Variants in RHPN1 observed in about 807,000 individuals in gnomAD.
RHPN1 encodes the protein rhophilin Rho GTPase binding protein 1, also known as rhophilin-1.
RHPN1 carries 77 observed loss-of-function variants against 74.7 expected under a neutral mutation model. The observed-to-expected ratio is 1.03, with a 90% CI of 0.86 to 1.25. RHPN1 has a LOEUF of 1.25. RHPN1 is among the 50% of genes most tolerant of loss of function. The probability of loss-of-function intolerance (pLI) is 0.00; values close to 1 mark genes in which losing one functional copy is unlikely to be tolerated. For synonymous variants in RHPN1, 444 were observed against 414.5 expected, an observed-to-expected ratio of 1.07 and a Z score of -0.87; for missense variants, 987 against 932.2, an observed-to-expected ratio of 1.06 and a Z score of -0.77.
At position 143,382,822 on chromosome 8, in the gene RHPN1, A is replaced by T; in HGVS notation, c.*171A>T. The T allele has an allele frequency of 1.6e-6, 1 of 612,112 alleles. No homozygotes were observed. Among genetic ancestry groups the T allele is most frequent in the South Asian group, 2.0e-5 (1 of 50,302 alleles). The allele number at this position is 612,112 out of a possible 1,614,324, so 37.9% of individuals were successfully genotyped here. ...TGGTCAGACCTGTCTGAGCCCAGTG[A>T]TGGGAGCTGTGGCCTCTTCACCCAC... On this transcript the variant is annotated 3_prime_UTR_variant, in exon 15 of 15. Transcript: ENST00000289013.
chr8:143,381,312 C>G lies in RHPN1; in HGVS notation c.1456C>G (p.Gln486Glu). 1.2e-6 allele frequency: 2 copies of G among 1,612,840 alleles called. No homozygotes were observed. The highest frequency in any genetic ancestry group is 1.7e-6 in the Non-Finnish European group (2 of 1,179,636). The change falls in exon 12 of 15, where the codon CAG becomes GAG. Residue 486 changes from glutamine to glutamate, a missense_variant. Coordinates refer to ENST00000289013, the MANE Select transcript of RHPN1 (RefSeq NM_052924.3). Reference sequence around the variant, plus strand: ...AGAGGCCAGGATGCCACGCCTGTCCCAGGGGAAGGGGCCTGACATCTTCCA... The same window carrying G: ...AGAGGCCAGGATGCCACGCCTGTCCGAGGGGAAGGGGCCTGACATCTTCCA... Reference protein sequence around the residue: ...KPEARMPRLSQGKGPDIFHRL... With the variant: ...KPEARMPRLSEGKGPDIFHRL...
Position 143,377,055 on chromosome 8 carries a change from T to TGC in RHPN1, c.306-324_306-323insCG, listed in dbSNP as rs1337171104. On this transcript the variant is annotated intron_variant, in intron 3 of 14. Transcript: ENST00000289013. ...ATGCACGTGTGTCTGTGTGTGTCTG[T>TGC]GTGTGCGCGTGTGTGTGTCTGCACG... Among the ~76,000 whole-genome samples the TGC allele has an allele frequency of 2.8e-4, 7 of 24,868 alleles. No homozygotes were observed. In the Admixed American group the frequency reaches 4.4e-3, roughly 16 times the overall value. 16.3% of individuals were successfully genotyped at this position (24,868 alleles called of 152,430 possible).
chr8:143,380,827 G>T lies in RHPN1; in HGVS notation c.1411+44G>T, dbSNP rs1390967918. 1.4e-5 allele frequency: 21 copies of T among 1,448,572 alleles called. No individual in the cohort carries two copies. The South Asian group carries it at 2.9e-4, about 20-fold the overall frequency. 89.7% of individuals were successfully genotyped at this position (1,448,572 alleles called of 1,614,324 possible). On this transcript the variant is annotated intron_variant, in intron 11 of 14. Coordinates refer to ENST00000289013, the MANE Select transcript of RHPN1 (RefSeq NM_052924.3). ...TCTGGGTGGCTGCATCCCTGGCCAGGGTGGGGGCCTTCGTCCTGGAGAAAG... is the reference window on the plus strand; with the variant it reads ...TCTGGGTGGCTGCATCCCTGGCCAGTGTGGGGGCCTTCGTCCTGGAGAAAG...
intron 2 of RHPN1, among the ~76,000 whole-genome samples, 188 bp downstream of exon 2, chr8:143,375,856 CCT>C (rs1234310607): frequency 6.6e-6 from 1 of 152,242 alleles, no homozygotes; most frequent in African/African-American, 2.4e-5. Flanking sequence ...CCTCCGTGGG[CCT>C]CTGTGCTGGG....
At chr8:143,379,649 G>A (rs765267349) in intron 8 of RHPN1, 141 bp downstream of exon 8, 45 of 1,444,058 alleles carry the variant, frequency 3.1e-5, no homozygotes, top group South Asian at 2.5e-4. Flanking sequence ...CCCTGGGGGG[G>A]CTGGTCAGGA....
chr8:143,370,276 C>G lies in RHPN1; in HGVS notation c.60+1229C>G, dbSNP rs540950858. 5.3e-5 allele frequency among the ~76,000 whole-genome samples: 8 copies of G among 152,186 alleles called. No individual in the cohort carries two copies. In the South Asian group the frequency reaches 1.7e-3, roughly 31 times the overall value. On this transcript the variant is annotated intron_variant, in intron 1 of 14. Coordinates refer to ENST00000289013, the MANE Select transcript of RHPN1 (RefSeq NM_052924.3). ...TGGGGAGAAGCTGTTTCCAGGCTGC[C>G]GTGTCTCTCACAGCGTCCAGAAATG...
rs1182967835 is a variant in RHPN1 at position 143,379,863 on chromosome 8, T to G, written c.980T>G (p.Met327Arg). 6.2e-7 allele frequency: 1 copy of G among 1,610,836 alleles called. No homozygotes were observed. The highest frequency in any genetic ancestry group is 8.5e-7 in the Non-Finnish European group (1 of 1,179,218). ...GAGTACAGGCTAGTGCACCGGACCA[T>G]GGCCCAGCCACCCGTCCACGACTAC... ...AAEYRLVHRT[M>R]AQPPVHDYVP... Residue 327 changes from methionine (M) to arginine (R), a missense_variant, in exon 9 of 15, where the codon ATG becomes AGG. Physicochemically the swap from Met to Arg is moderately conservative, Grantham distance 91. Coordinates refer to ENST00000289013, the MANE Select transcript of RHPN1 (RefSeq NM_052924.3).
rs1818753910 is a variant in RHPN1 at position 143,381,817 on chromosome 8, T to C, written c.1646T>C (p.Leu549Pro). The C allele has an allele frequency of 6.2e-7, 1 of 1,612,556 alleles. No homozygotes were observed. The highest frequency in any genetic ancestry group is 1.3e-5 in the African/African-American group (1 of 74,940). The change falls in exon 14 of 15, where the codon CTG (leucine) becomes CCG (proline). Residue 549 changes from leucine to proline, a missense_variant. Leu to Pro is a moderately conservative substitution (Grantham distance 98). Coordinates refer to ENST00000289013, the MANE Select transcript of RHPN1 (RefSeq NM_052924.3). ...CAAGTCTCCCCACAGGCGGCTGGCC[T>C]GAAGGAGGGCGACTACATTGTGTCA... ...IPGSQAAAAG[L>P]KEGDYIVSVN...
Position 143,375,554 on chromosome 8 carries a change from G to A in RHPN1, c.62G>A (p.Gly21Asp). Reference protein sequence around the residue: ...GAGEESPRLQGCDSLTQIQCG... With the variant: ...GAGEESPRLQDCDSLTQIQCG... ...TGATCGCCTGTGGCCTCCCTGCAGG[G>A]CTGTGACTCCCTGACGCAGATCCAG... Residue 21 changes from glycine to aspartate, a missense_variant and splice_region_variant, in exon 2 of 15, where the codon GGC becomes GAC. By Grantham distance (94) the Gly-to-Asp change is moderately conservative. Transcript: ENST00000289013. 6.3e-7 allele frequency: 1 copy of A among 1,589,964 alleles called. No individual in the cohort carries two copies. The highest frequency in any genetic ancestry group is 1.4e-5 in the African/African-American group (1 of 73,656).
At chr8:143,378,440 C>T (rs1168099014) in intron 5 of RHPN1, 94 bp downstream of exon 5, 62 of 1,115,478 alleles carry the variant, frequency 5.6e-5, no homozygotes, top group Non-Finnish European at 7.5e-5. Flanking sequence ...AGGAGCTCAG[C>T]GTAGACATCT....
intron 1 of RHPN1, among the ~76,000 whole-genome samples, chr8:143,374,468 C>T (rs1254029844): frequency 2.0e-5 from 3 of 152,232 alleles, no homozygotes; most frequent in Admixed American, 1.3e-4. Context: ...AGACCAGGCT[C>T]GCCCCAGGGC....
At chr8:143,374,379 G>A (rs1045134838) in intron 1 of RHPN1, 59 of 946,018 alleles carry the variant, frequency 6.2e-5, no homozygotes, top group Non-Finnish European at 7.4e-5. Context: ...GACAAGGGCG[G>A]GAAGCAGTCC....
rs767143007 is a variant in RHPN1 at position 143,379,877 on chromosome 8, G to A, written c.994G>A (p.Val332Ile). Residue 332 changes from valine to isoleucine, a missense_variant, in exon 9 of 15, where the codon GTC (valine) becomes ATC (isoleucine). Val to Ile is a conservative substitution (Grantham distance 29). Transcript: ENST00000289013. ...LVHRTMAQPP[V>I]HDYVPVSWTA... The stretch of plus-strand genomic sequence containing the variant: ...GCACCGGACCATGGCCCAGCCACCC[G>A]TCCACGACTACGTGCCTGTCTCCTG... 2.1e-5 allele frequency: 34 copies of A among 1,610,652 alleles called. No individual in the cohort carries two copies. Among genetic ancestry groups the A allele is most frequent in the South Asian group, 5.5e-5 (5 of 90,754 alleles).
chr8:143,370,150 A>C (rs1817728392), intron 1 of RHPN1, among the ~76,000 whole-genome samples: 1 of 152,140 alleles, frequency 6.6e-6, no homozygotes, highest in African/African-American at 2.4e-5. Flanking sequence ...AGGCTGTACA[A>C]ACAAGATGTC....
Position 143,379,259 on chromosome 8 carries a change from G to C in RHPN1, c.752-56G>C, listed in dbSNP as rs547134811. 1.4e-4 allele frequency: 213 copies of C among 1,489,914 alleles called. 1 individual carries two copies. The South Asian group carries it at 2.7e-3, about 19-fold the overall frequency. The allele number at this position is 1,489,914 out of a possible 1,614,324, so 92.3% of individuals were successfully genotyped here. Reference sequence around the variant, plus strand: ...AGCTGGCCGCCCTGAGTGCTGCATGGGGCAGAGATGGGCAGGTACAGGGCC... The same window carrying C: ...AGCTGGCCGCCCTGAGTGCTGCATGCGGCAGAGATGGGCAGGTACAGGGCC... On this transcript the variant is annotated intron_variant, in intron 7 of 14. Transcript: ENST00000289013.
At chr8:143,378,593 C>T (rs956077158) in intron 5 of RHPN1, 103 bp from the exon 6 acceptor site, 1 of 1,432,738 alleles carries the variant, frequency 7.0e-7, no homozygotes, top group African/African-American at 1.4e-5. Context: ...ACTGGCTTTG[C>T]CTCCCCGCCC....
chr8:143,374,278 G>A lies in RHPN1; in HGVS notation c.61-1275G>A, dbSNP rs148312857. ...GTGTGCACGTTGGCCCCATGAATCCGCAGCTTCATGCAGTGGTAGGTCAGT... is the reference window on the plus strand; with the variant it reads ...GTGTGCACGTTGGCCCCATGAATCCACAGCTTCATGCAGTGGTAGGTCAGT... On this transcript the variant is annotated intron_variant, in intron 1 of 14. Coordinates refer to ENST00000289013, the MANE Select transcript of RHPN1 (RefSeq NM_052924.3). 1.6e-4 allele frequency: 159 copies of A among 985,458 alleles called. 5 individuals carry two copies. The African/African-American group carries it at 2.4e-3, about 15-fold the overall frequency. The allele number at this position is 985,458 out of a possible 1,614,324, so 61.0% of individuals were successfully genotyped here.
chr8:143,381,523 TC>T, intron 12 of RHPN1, 48 bp from the exon 13 acceptor site: 1 of 1,567,300 alleles, frequency 6.4e-7, no homozygotes, highest in South Asian at 1.2e-5. Context: ...AGGCGGGGTC[TC>T]CTCAGTGTGT....
At position 143,382,782 on chromosome 8, in the gene RHPN1, C is replaced by T; in HGVS notation, c.*131C>T. The T allele has an allele frequency of 3.9e-6, 3 of 759,566 alleles. No individual in the cohort carries two copies. The highest frequency in any genetic ancestry group is 6.3e-6 in the Non-Finnish European group (3 of 473,496). The allele number at this position is 759,566 out of a possible 1,614,324, so 47.1% of individuals were successfully genotyped here. ...GCTGGAGGCTGCCTCGGGCACCTGC[C>T]TGCCCATTAAAGACTGGTCAGACCT... On this transcript the variant is annotated 3_prime_UTR_variant, in exon 15 of 15. Coordinates refer to ENST00000289013, the MANE Select transcript of RHPN1 (RefSeq NM_052924.3).
Sources: allele counts gnomAD v4.1 joint callset (sites outside exome capture counted in the v4.1 genomes callset), GRCh38; gene constraint gnomAD v4.1.1; transcripts MANE v1.5; gene names NCBI Gene and HGNC (gene_info 2026-07-23, HGNC 2026-07-21).